The following SEC22B variants were observed in gnomAD, a reference collection of about 807,000 sequenced individuals.
SEC22B encodes the protein vesicle-trafficking protein SEC22b.
Under a neutral mutation model 31.4 loss-of-function variants are expected in SEC22B, and 10 were observed. The observed-to-expected ratio is 0.32, with a 90% CI of 0.20 to 0.54. SEC22B has a LOEUF of 0.54. Ranked by LOEUF, SEC22B falls within the 20% of genes least tolerant of loss-of-function variation. The probability of loss-of-function intolerance (pLI) is 0.94; values close to 1 mark genes in which losing one functional copy is unlikely to be tolerated. For missense variants in SEC22B, 130 were observed against 263.4 expected, an observed-to-expected ratio of 0.49 and a Z score of 3.50; for synonymous variants, 60 against 95.9, an observed-to-expected ratio of 0.63 and a Z score of 2.19.
At chr1:120,162,616 A>C (rs1466858477) in intron 3 of SEC22B, among the ~76,000 whole-genome samples, 1 of 151,910 alleles carries the variant, frequency 6.6e-6, no homozygotes, top group Admixed American at 6.6e-5. Flanking sequence ...CAGATACTTT[A>C]CCAGGTCTGA....
intron 1 of SEC22B, among the ~76,000 whole-genome samples, chr1:120,175,492 CTT>C (rs1164602335): frequency 6.6e-6 from 1 of 151,226 alleles, no homozygotes; most frequent in Non-Finnish European, 1.5e-5. Flanking sequence ...CCATTCTCAG[CTT>C]TGTCTTCAGA....
At position 120,160,426 on chromosome 1, in the gene SEC22B, C is replaced by A; in HGVS notation, c.451G>T (p.Ala151Ser). Residue 151 changes from alanine (A) to serine (S), a missense_variant, in exon 4 of 5, where the codon GCC becomes TCC. By Grantham distance (99) the Ala-to-Ser change is moderately conservative. Coordinates refer to ENST00000578049, the MANE Select transcript of SEC22B (RefSeq NM_004892.6). ...CGTTGTAACACTTCTTCAATATTGG[C>A]CACCATGATCCTCTGCACATCTTGC... ...ELQDVQRIMVANIEEVLQRGE... is the reference protein window; with the variant it reads ...ELQDVQRIMVSNIEEVLQRGE... The A allele has an allele frequency of 6.2e-7, 1 of 1,612,842 alleles. No individual in the cohort carries two copies.
At chr1:120,175,754 A>G (rs1279607890) in intron 1 of SEC22B, among the ~76,000 whole-genome samples, 1 of 152,154 alleles carries the variant, frequency 6.6e-6, no homozygotes, top group African/African-American at 2.4e-5. Context: ...AATAAGTTAC[A>G]ATGTATTGCA....
chr1:120,163,582 C>CT (rs1287701857), intron 2 of SEC22B, among the ~76,000 whole-genome samples: 1,449 of 93,052 alleles, frequency 0.016, 231 homozygotes, highest in African/African-American at 0.074. Context: ...TTTTTTTTTT[C>CT]TTTTTTTTTT....
At position 120,155,842 on chromosome 1, in the gene SEC22B, C is replaced by G. The variant is rs1657620759; in HGVS notation, c.*1196G>C. 1 of 151,666 alleles carries G rather than the reference C, an allele frequency of 6.6e-6. No homozygotes were observed. Among genetic ancestry groups the G allele is most frequent in the African/African-American group, 2.4e-5 (1 of 41,308 alleles). The allele number at this position is 151,666 out of a possible 1,614,324, so 9.4% of individuals were successfully genotyped here. Reference sequence around the variant, plus strand: ...GCAGAAAAGGAAAAAATCATGGGTACTTTAATTAGTTAATAGAAACCACTG... The same window carrying G: ...GCAGAAAAGGAAAAAATCATGGGTAGTTTAATTAGTTAATAGAAACCACTG... On this transcript the variant is annotated 3_prime_UTR_variant, in exon 5 of 5. Coordinates refer to ENST00000578049, the MANE Select transcript of SEC22B (RefSeq NM_004892.6).
rs1306414337 is a variant in SEC22B, at chr1:120,155,036, T to A, written c.*2002A>T. 6.6e-6 allele frequency: 1 copy of A among 151,676 alleles called. No homozygotes were observed. Among genetic ancestry groups the A allele is most frequent in the Non-Finnish European group, 1.5e-5 (1 of 67,806 alleles). 9.4% of individuals were successfully genotyped at this position (151,676 alleles called of 1,614,324 possible). A position where few individuals can be genotyped will look rare whatever the true frequency, so the allele number is the denominator to read the frequency against. On this transcript the variant is annotated 3_prime_UTR_variant, in exon 5 of 5. Transcript: ENST00000578049. ...AACCAGGAGCCATATTATGATATTCTTGTTCTCTAATTTTTCTGCTGCCCT... is the reference window on the plus strand; with the variant it reads ...AACCAGGAGCCATATTATGATATTCATGTTCTCTAATTTTTCTGCTGCCCT...
chr1:120,151,483 C>G lies in SEC22B; in HGVS notation c.*5555G>C, dbSNP rs587620926. 1 of 152,038 alleles carries G rather than the reference C, an allele frequency of 6.6e-6. No individual in the cohort carries two copies. The highest frequency in any genetic ancestry group is 1.5e-5 in the Non-Finnish European group (1 of 68,034). The allele number at this position is 152,038 out of a possible 1,614,324, so 9.4% of individuals were successfully genotyped here. A position where few individuals can be genotyped will look rare whatever the true frequency, so the allele number is the denominator to read the frequency against. On this transcript the variant is annotated 3_prime_UTR_variant, in exon 5 of 5. Transcript: ENST00000578049. ...GGATCATGAGGTCAGGAGTTCAAGACGGTGAAACTCCATCTCTACTAAAAA... is the reference window on the plus strand; with the variant it reads ...GGATCATGAGGTCAGGAGTTCAAGAGGGTGAAACTCCATCTCTACTAAAAA...
rs1276021042 is a variant in SEC22B, at chr1:120,156,890, C to A, written c.*148G>T. The A allele has an allele frequency of 1.1e-3, 604 of 531,838 alleles. 4 individuals are homozygous for A. The highest frequency in any genetic ancestry group is 0.01 in the African/African-American group (537 of 51,340). The allele number at this position is 531,838 out of a possible 1,614,324, so 32.9% of individuals were successfully genotyped here. A position where few individuals can be genotyped will look rare whatever the true frequency, so the allele number is the denominator to read the frequency against. ...CTTCATTAAATGAGGTGCAACCTTT[C>A]ATTTTCAGGGCATCTCTTTTCTTGC... On this transcript the variant is annotated 3_prime_UTR_variant, in exon 5 of 5. Coordinates refer to ENST00000578049, the MANE Select transcript of SEC22B (RefSeq NM_004892.6).
intron 1 of SEC22B, among the ~76,000 whole-genome samples, chr1:120,170,117 G>A (rs1376635230): frequency 1.4e-5 from 2 of 138,222 alleles, no homozygotes; most frequent in Non-Finnish European, 3.0e-5. Flanking sequence ...TCACCTTGCA[G>A]AACTAGAAAA....
chr1:120,164,619 C>T lies in SEC22B; in HGVS notation c.186-1249G>A, dbSNP rs1457419939. On this transcript the variant is annotated intron_variant, in intron 2 of 4. Coordinates refer to ENST00000578049, the MANE Select transcript of SEC22B (RefSeq NM_004892.6). ...ATGATTTCATTTCTTTTTATGACTG[C>T]ATAGTATTCCATACTGTATATATAC... 1.2e-4 allele frequency among the ~76,000 whole-genome samples: 18 copies of T among 152,376 alleles called. No individual in the cohort carries two copies. The East Asian group carries it at 3.5e-3, about 29-fold the overall frequency.
intron 3 of SEC22B, 133 bp from the exon 4 acceptor site, chr1:120,160,663 G>A: frequency 1.9e-6 from 1 of 520,294 alleles, no homozygotes; most frequent in South Asian, 2.6e-5. Context: ...GCCAAGGCAG[G>A]TGAATCATGA....
intron 3 of SEC22B, among the ~76,000 whole-genome samples, chr1:120,160,901 A>AC (rs1381815701): frequency 1.3e-5 from 2 of 150,508 alleles, no homozygotes; most frequent in Admixed American, 1.3e-4. Context: ...CAAAAACAAA[A>AC]AAAAAAAAAC....
intron 4 of SEC22B, 98 bp from the exon 5 acceptor site, chr1:120,157,290 T>A: frequency 1.2e-6 from 1 of 841,458 alleles, no homozygotes; most frequent in Non-Finnish European, 1.7e-6. Flanking sequence ...GCAACAACCA[T>A]GAATCTTAAA....
chr1:120,171,075 G>T (rs1657889719), intron 1 of SEC22B, among the ~76,000 whole-genome samples: 2 of 130,472 alleles, frequency 1.5e-5, no homozygotes, highest in South Asian at 4.8e-4. Flanking sequence ...TTCAACCTTG[G>T]CTTCACAATA....
rs1657891214 is a variant in SEC22B at position 120,171,183 on chromosome 1, G to A, written c.76-2234C>T. 7.7e-5 allele frequency among the ~76,000 whole-genome samples: 10 copies of A among 130,434 alleles called. 2 individuals are homozygous for A. In the South Asian group the frequency reaches 2.0e-3, roughly 26 times the overall value. 85.6% of individuals were successfully genotyped at this position (130,434 alleles called of 152,430 possible). A position where few individuals can be genotyped will look rare whatever the true frequency, so the allele number is the denominator to read the frequency against. ...ATCTCGGAGGTGGGGCTGTGATATC[G>A]GTATTTTTTACATAACTGCAACCAC... On this transcript the variant is annotated intron_variant, in intron 1 of 4. Transcript: ENST00000578049.
At chr1:120,160,862 A>T (rs1657704156) in intron 3 of SEC22B, among the ~76,000 whole-genome samples, 1 of 151,814 alleles carries the variant, frequency 6.6e-6, no homozygotes, top group African/African-American at 2.4e-5. Flanking sequence ...ACCACACTTT[A>T]GCCTGGGTGA....
intron 2 of SEC22B, 52 bp downstream of exon 2, chr1:120,168,788 C>T: frequency 1.5e-6 from 1 of 645,666 alleles, no homozygotes; most frequent in South Asian, 5.3e-5. Flanking sequence ...ATCAGGCATT[C>T]TGTTACTGTA....
intron 1 of SEC22B, among the ~76,000 whole-genome samples, chr1:120,170,282 C>T (rs1295449124): frequency 1.4e-5 from 2 of 142,312 alleles, no homozygotes; most frequent in Non-Finnish European, 3.0e-5. Context: ...TGTTTAATAA[C>T]TAAATATTTA....
intron 3 of SEC22B, among the ~76,000 whole-genome samples, chr1:120,161,378 CA>C (rs1442971277): frequency 0.038 from 5,801 of 151,906 alleles, 228 homozygotes; most frequent in South Asian, 0.19. Context: ...GGGAGTTTTC[CA>C]AAATACCAAT....
Sources: gnomAD v4.1 joint callset for allele counts (sites outside exome capture counted in the v4.1 genomes callset) on GRCh38, gnomAD v4.1.1 for gene constraint, MANE v1.5 for transcripts, NCBI Gene and HGNC (gene_info 2026-07-23, HGNC 2026-07-21) for gene names.